Variants in LPP observed in about 807,000 individuals in gnomAD.
LPP encodes the protein lipoma-preferred partner.
A neutral mutation model predicts 60.4 loss-of-function variants in LPP; 38 were observed. The ratio of observed to expected loss-of-function variants is 0.63; its 90% CI spans 0.49 to 0.83. The LOEUF is 0.83. Ranked by LOEUF, LPP falls within the 40% of genes least tolerant of loss-of-function variation. LPP has a pLI of 0.00. For missense variants in LPP, 902 were observed against 783.6 expected (o/e 1.15, Z -1.80); for synonymous variants, 328 against 290.8 (o/e 1.13, Z -1.30).
intron 3 of LPP, among the ~76,000 whole-genome samples, chr3:188,349,607 T>C (rs913983483): frequency 5.3e-5 from 8 of 152,224 alleles, no homozygotes; most frequent in African/African-American, 7.2e-5. Context: ...ATAAACTCGG[T>C]ATAAACCTTT....
intron 2 of LPP, among the ~76,000 whole-genome samples, chr3:188,251,079 TTC>T (rs1363227789): frequency 7.4e-6 from 1 of 134,894 alleles, no homozygotes; most frequent in African/African-American, 2.9e-5. Context: ...TTTTCTTTCT[TTC>T]TCTCTCTCTT....
chr3:188,790,991 A>G (rs1743550365), intron 9 of LPP, among the ~76,000 whole-genome samples: 1 of 152,010 alleles, frequency 6.6e-6, no homozygotes, highest in African/African-American at 2.4e-5. Flanking sequence ...ATGTGACTTC[A>G]AAAGTCAAAA....
rs570800629 is a variant in LPP, at chr3:188,874,455, C to T, written c.1815C>T (p.Thr605=). ...ACTCTGCCCGCATCAGGGTGTTGACCGCCAAGGCGAGCACTGACCTTTAGA... is the reference window on the plus strand; with the variant it reads ...ACTCTGCCCGCATCAGGGTGTTGACTGCCAAGGCGAGCACTGACCTTTAGA... ...TCNSARIRVL[T]AKASTDL is the part of the protein sequence containing the mutation. Residue 605 remains threonine, a synonymous_variant, in exon 12 of 12, where the codon ACC becomes ACT. Coordinates refer to ENST00000617246, the MANE Select transcript of LPP (RefSeq NM_001375462.1). 8 of 1,614,042 alleles carry T rather than the reference C, an allele frequency of 5.0e-6. No homozygotes were observed. The highest frequency in any genetic ancestry group is 2.7e-5 in the African/African-American group (2 of 74,932).
intron 1 of LPP, among the ~76,000 whole-genome samples, chr3:188,176,963 C>T (rs1369040208): frequency 6.6e-6 from 1 of 152,178 alleles, no homozygotes; most frequent in Non-Finnish European, 1.5e-5. Flanking sequence ...CACCTGCCCT[C>T]TCTGAGCTAT....
At chr3:188,172,600 G>T (rs1187006654) in intron 1 of LPP, among the ~76,000 whole-genome samples, 1 of 151,908 alleles carries the variant, frequency 6.6e-6, no homozygotes, top group African/African-American at 2.4e-5. Context: ...TTTTAATTTT[G>T]GAGTAATTTT....
intron 7 of LPP, among the ~76,000 whole-genome samples, chr3:188,614,164 C>T (rs978260086): frequency 9.2e-5 from 14 of 151,904 alleles, no homozygotes; most frequent in Admixed American, 5.9e-4. Flanking sequence ...CCTGACCTCA[C>T]GTAATCTACC....
intron 4 of LPP, among the ~76,000 whole-genome samples, chr3:188,440,198 A>G (rs1162142528): frequency 1.3e-5 from 2 of 152,154 alleles, no homozygotes; most frequent in Non-Finnish European, 2.9e-5. Context: ...CAGATGAATG[A>G]CAGCTGTTTA....
chr3:188,466,804 A>AATATATAT (rs375483583), intron 4 of LPP, among the ~76,000 whole-genome samples: 2,784 of 72,734 alleles, frequency 0.038, 549 homozygotes, highest in Non-Finnish European at 0.043. Flanking sequence ...GTCATCTCAG[A>AATATATAT]ACATATATAT....
chr3:188,418,924 A>G (rs193097837), intron 4 of LPP, among the ~76,000 whole-genome samples: 23 of 152,224 alleles, frequency 1.5e-4, no homozygotes, highest in African/African-American at 5.5e-4. Flanking sequence ...ATGACATTTT[A>G]TTTTATTTTT....
At chr3:188,857,004 A>G (rs1418904497) in intron 9 of LPP, among the ~76,000 whole-genome samples, 1 of 152,230 alleles carries the variant, frequency 6.6e-6, no homozygotes, top group African/African-American at 2.4e-5. Context: ...GTGGGACAGA[A>G]CACCAGGGAG....
intron 5 of LPP, among the ~76,000 whole-genome samples, chr3:188,485,614 G>A (rs534424439): frequency 2.2e-4 from 34 of 151,292 alleles, no homozygotes; most frequent in South Asian, 8.4e-4. Flanking sequence ...CGGCTAAAAC[G>A]GTGAAACCCC....
intron 2 of LPP, among the ~76,000 whole-genome samples, chr3:188,318,609 C>T (rs1379459135): frequency 6.6e-6 from 1 of 151,978 alleles, no homozygotes; most frequent in African/African-American, 2.4e-5. Context: ...TACCTACTTA[C>T]ATAAGTACCT....
At chr3:188,498,617 G>A (rs551333867) in intron 5 of LPP, among the ~76,000 whole-genome samples, 1 of 152,158 alleles carries the variant, frequency 6.6e-6, no homozygotes, top group Admixed American at 6.5e-5. Flanking sequence ...GCTGCTATAA[G>A]TATGGGTGTA....
intron 3 of LPP, among the ~76,000 whole-genome samples, chr3:188,368,725 G>C (rs867594010): frequency 0.044 from 5,679 of 129,286 alleles, 124 homozygotes; most frequent in Non-Finnish European, 0.054. Context: ...CACACAGAGA[G>C]AGAGAGAGAG....
chr3:188,880,837 C>T lies in LPP; in HGVS notation c.*6358C>T. ...TGTTCTACACCACTATAGAGAGTTA[C>T]AGTTGCCCCCAAACACGAATGCTAT... is the stretch of plus-strand genomic sequence containing the variant. On this transcript the variant is annotated 3_prime_UTR_variant, in exon 12 of 12. Coordinates refer to ENST00000617246, the MANE Select transcript of LPP (RefSeq NM_001375462.1). The T allele has an allele frequency of 5.6e-6, 1 of 178,682 alleles. No homozygotes were observed. Among genetic ancestry groups the T allele is most frequent in the East Asian group, 9.4e-5 (1 of 10,674 alleles). The allele number at this position is 178,682 out of a possible 1,614,324, so 11.1% of individuals were successfully genotyped here. A position where few individuals can be genotyped will look rare whatever the true frequency, so the allele number is the denominator to read the frequency against.
intron 5 of LPP, among the ~76,000 whole-genome samples, chr3:188,495,080 ATATTT>A (rs1271769065): frequency 2.0e-5 from 2 of 100,812 alleles, no homozygotes; most frequent in African/African-American, 1.2e-4. Context: ...ATATATATAT[ATATTT>A]TATTTATATT....
chr3:188,775,052 A>T (rs1737275788), intron 9 of LPP, among the ~76,000 whole-genome samples: 1 of 120,578 alleles, frequency 8.3e-6, no homozygotes, highest in African/African-American at 3.0e-5. Context: ...CTACATGCTT[A>T]GTGTTTTTTT....
intron 1 of LPP, among the ~76,000 whole-genome samples, chr3:188,197,940 G>T (rs147506206): frequency 4.6e-5 from 7 of 152,208 alleles, no homozygotes; most frequent in African/African-American, 1.7e-4. Flanking sequence ...AGGCCACGGA[G>T]TTGGATTTGG....
intron 4 of LPP, among the ~76,000 whole-genome samples, chr3:188,427,385 A>C (rs138708172): frequency 0.025 from 3,765 of 151,538 alleles, 171 homozygotes; most frequent in African/African-American, 0.087. Flanking sequence ...TGCCCTTAAC[A>C]TTTTTTCCTT....
Sources: gnomAD v4.1 joint callset for allele counts (sites outside exome capture counted in the v4.1 genomes callset) on GRCh38, gnomAD v4.1.1 for gene constraint, MANE v1.5 for transcripts, NCBI Gene and HGNC (gene_info 2026-07-23, HGNC 2026-07-21) for gene names.